BTBD9: variants seen among roughly 807,000 people sequenced by gnomAD.
BTBD9 encodes BTB/POZ domain-containing protein 9.
In BTBD9, 49 loss-of-function variants were observed where a neutral mutation model predicts 64.3. The observed-to-expected ratio is 0.76, with a 90% CI of 0.61 to 0.97. BTBD9 has a LOEUF of 0.97. Ranked by LOEUF, BTBD9 falls within the 50% of genes least tolerant of loss-of-function variation. BTBD9 has a pLI of 0.00. For synonymous variants in BTBD9, 260 were observed against 274.7 expected (o/e 0.95, Z 0.53); for missense variants, 598 against 762.1 (o/e 0.78, Z 2.53).
intron 10 of BTBD9, among the ~76,000 whole-genome samples, chr6:38,176,775 T>C (rs1561833292): frequency 6.6e-6 from 1 of 152,078 alleles, no homozygotes. Context: ...AATCCACTCC[T>C]TCATCAGCTT....
intron 6 of BTBD9, among the ~76,000 whole-genome samples, chr6:38,349,433 T>C (rs750993631): frequency 2.6e-5 from 4 of 152,182 alleles, no homozygotes; most frequent in Non-Finnish European, 5.9e-5. Context: ...GTGGTTTTGC[T>C]TTCTATAGTT....
At chr6:38,183,951 C>T (rs1414116456) in intron 10 of BTBD9, among the ~76,000 whole-genome samples, 1 of 152,232 alleles carries the variant, frequency 6.6e-6, no homozygotes, top group Non-Finnish European at 1.5e-5. Context: ...GATGCTACAA[C>T]ACAGTCTCTG....
At chr6:38,374,286 T>TATATATATATACATATAC (rs1444399511) in intron 6 of BTBD9, among the ~76,000 whole-genome samples, 2 of 67,480 alleles carry the variant, frequency 3.0e-5, no homozygotes, top group East Asian at 1.5e-3. Flanking sequence ...AAAAAAAGTA[T>TATATATATATACATATAC]ATATATATAT....
chr6:38,286,119 C>A (rs551771382), intron 8 of BTBD9, among the ~76,000 whole-genome samples: 1 of 152,270 alleles, frequency 6.6e-6, no homozygotes, highest in East Asian at 1.9e-4. Context: ...GCTGGTCTGG[C>A]CTGAGGTACA....
chr6:38,330,401 CTT>C (rs1763627434), intron 7 of BTBD9, among the ~76,000 whole-genome samples: 1 of 152,046 alleles, frequency 6.6e-6, no homozygotes, highest in Non-Finnish European at 1.5e-5. Flanking sequence ...AAAAATGAAA[CTT>C]GAGCCAGGCA....
intron 7 of BTBD9, among the ~76,000 whole-genome samples, chr6:38,334,027 G>A (rs1227074701): frequency 6.6e-6 from 1 of 152,196 alleles, no homozygotes; most frequent in Non-Finnish European, 1.5e-5. Flanking sequence ...GGGGGTCTCA[G>A]ATGCAGATGA....
intron 1 of BTBD9, among the ~76,000 whole-genome samples, chr6:38,625,450 C>T (rs956805804): frequency 3.9e-5 from 6 of 152,142 alleles, no homozygotes; most frequent in African/African-American, 1.4e-4. Flanking sequence ...TGTCACCAAG[C>T]CTATTTACTT....
chr6:38,414,722 C>CT (rs1240102706), intron 6 of BTBD9, among the ~76,000 whole-genome samples: 2 of 152,136 alleles, frequency 1.3e-5, no homozygotes, highest in African/African-American at 4.8e-5. Flanking sequence ...ATCACTCTTC[C>CT]TTTTTTTCTT....
At position 38,250,173 on chromosome 6, in the gene BTBD9, CT is replaced by C. The variant is rs911630816; in HGVS notation, c.1562+6235del. On this transcript the variant is annotated intron_variant, in intron 9 of 10. Transcript: ENST00000481247. ...AAAAGGGAAAGGGGTTTTTTTAAAA[CT>C]GTTTACCCACATTCCACAAAAAGAA... Among the ~76,000 whole-genome samples the C allele has an allele frequency of 1.2e-4, 18 of 152,114 alleles. 2 individuals carry two copies.
At chr6:38,584,197 A>G (rs1482472016) in intron 4 of BTBD9, among the ~76,000 whole-genome samples, 1 of 152,056 alleles carries the variant, frequency 6.6e-6, no homozygotes, top group African/African-American at 2.4e-5. Flanking sequence ...GCGTGGTAGT[A>G]CATGTCTATA....
At chr6:38,196,309 A>G (rs1762272549) in intron 9 of BTBD9, among the ~76,000 whole-genome samples, 2 of 152,258 alleles carry the variant, frequency 1.3e-5, no homozygotes, top group Non-Finnish European at 2.9e-5. Context: ...TACCTAAATT[A>G]TTTTGGTAAA....
At chr6:38,596,012 C>T in intron 2 of BTBD9, 1 of 985,426 alleles carries the variant, frequency 1.0e-6, no homozygotes, top group Non-Finnish European at 1.2e-6. Context: ...AACAAGGAGA[C>T]AAGCACAGAG....
intron 6 of BTBD9, among the ~76,000 whole-genome samples, chr6:38,526,915 T>C (rs762972212): frequency 2.0e-5 from 3 of 152,214 alleles, no homozygotes; most frequent in Non-Finnish European, 4.4e-5. Flanking sequence ...GACTATGGAC[T>C]TTTCAGTTAA....
intron 7 of BTBD9, among the ~76,000 whole-genome samples, chr6:38,297,978 A>G (rs1762224578): frequency 6.6e-6 from 1 of 151,430 alleles, no homozygotes; most frequent in African/African-American, 2.4e-5. Flanking sequence ...GTAGCTCGGA[A>G]TACAGGTGCC....
intron 4 of BTBD9, among the ~76,000 whole-genome samples, chr6:38,581,974 G>C (rs1290238445): frequency 6.6e-6 from 1 of 152,154 alleles, no homozygotes; most frequent in Non-Finnish European, 1.5e-5. Flanking sequence ...CATACATTTT[G>C]GTTGTGTGAT....
intron 6 of BTBD9, among the ~76,000 whole-genome samples, chr6:38,350,296 G>C (rs1764451384): frequency 6.6e-6 from 1 of 152,222 alleles, no homozygotes; most frequent in Admixed American, 6.5e-5. Flanking sequence ...TTGCTTATGA[G>C]GATGCTACTA....
At chr6:38,634,118 G>A (rs575212234) in intron 1 of BTBD9, among the ~76,000 whole-genome samples, 113 of 152,294 alleles carry the variant, frequency 7.4e-4, no homozygotes, top group Admixed American at 1.2e-3. Context: ...CAAGCACCTA[G>A]GCAGAATAGT....
chr6:38,587,772 TG>T (rs1379192636), intron 4 of BTBD9: 3 of 705,300 alleles, frequency 4.3e-6, no homozygotes, highest in African/African-American at 1.7e-5. Flanking sequence ...AAGAAAAGCC[TG>T]CTTCTTCGGA....
chr6:38,269,821 C>G (rs1765138793), intron 8 of BTBD9, among the ~76,000 whole-genome samples: 1 of 152,192 alleles, frequency 6.6e-6, no homozygotes, highest in Non-Finnish European at 1.5e-5. Context: ...ATGTATTCTG[C>G]AAGAATTGCC....
Sources: allele counts gnomAD v4.1 joint callset (sites outside exome capture counted in the v4.1 genomes callset), GRCh38; gene constraint gnomAD v4.1.1; transcripts MANE v1.5; gene names NCBI Gene and HGNC (gene_info 2026-07-23, HGNC 2026-07-21).